PPM1H: variants seen among roughly 807,000 people sequenced by gnomAD.
PPM1H encodes the protein protein phosphatase, Mg2+/Mn2+ dependent 1H, also known as protein phosphatase 1H.
A neutral mutation model predicts 54.9 loss-of-function variants in PPM1H; 27 were observed. The observed-to-expected ratio is 0.49, with a 90% CI of 0.36 to 0.68. The LOEUF is 0.68. Ranked by LOEUF, PPM1H falls within the 30% of genes least tolerant of loss-of-function variation. The probability of loss-of-function intolerance (pLI) is 0.00; values close to 1 mark genes in which losing one functional copy is unlikely to be tolerated. For missense variants in PPM1H, 596 were observed against 667.8 expected (o/e 0.89, Z 1.19); for synonymous variants, 305 against 270.8 (o/e 1.13, Z -1.24).
At chr12:62,835,210 C>T (rs756797809) in intron 1 of PPM1H, among the ~76,000 whole-genome samples, 5 of 152,214 alleles carry the variant, frequency 3.3e-5, no homozygotes, top group African/African-American at 7.2e-5. Context: ...ACATAAATCA[C>T]GAATCCCTGT....
chr12:62,893,647 G>A (rs1354171634), intron 1 of PPM1H, among the ~76,000 whole-genome samples: 1 of 151,732 alleles, frequency 6.6e-6, no homozygotes. Context: ...GGGGGGGAGG[G>A]GGTGTGGTTT....
chr12:62,661,585 C>T (rs970788135), intron 9 of PPM1H, among the ~76,000 whole-genome samples: 33 of 152,194 alleles, frequency 2.2e-4, no homozygotes, highest in Admixed American at 5.9e-4. Context: ...TTAGTATAGA[C>T]GGGGTTTCGC....
chr12:62,924,929 GC>G (rs1448747083), intron 1 of PPM1H, among the ~76,000 whole-genome samples: 1 of 152,138 alleles, frequency 6.6e-6, no homozygotes, highest in African/African-American at 2.4e-5. Flanking sequence ...TGTGGTCGCA[GC>G]TACTAGGGAG....
At chr12:62,828,349 C>T (rs1364665834) in intron 2 of PPM1H, among the ~76,000 whole-genome samples, 1 of 152,228 alleles carries the variant, frequency 6.6e-6, no homozygotes, top group Non-Finnish European at 1.5e-5. Context: ...GCTCCAACCA[C>T]ACAGACCTCC....
chr12:62,911,241 T>A (rs1004273624), intron 1 of PPM1H, among the ~76,000 whole-genome samples: 1 of 152,186 alleles, frequency 6.6e-6, no homozygotes, highest in Non-Finnish European at 1.5e-5. Context: ...ACTGTGATCA[T>A]CAGAAAGATA....
chr12:62,663,086 T>C (rs7961484), intron 9 of PPM1H, among the ~76,000 whole-genome samples: 53,861 of 151,906 alleles, frequency 0.35, 11,248 homozygotes, highest in African/African-American at 0.57. Context: ...GGAGGTGCTA[T>C]AAAGTATCCC....
intron 9 of PPM1H, among the ~76,000 whole-genome samples, chr12:62,666,370 C>T (rs2075917608): frequency 1.5e-5 from 2 of 136,580 alleles, no homozygotes; most frequent in African/African-American, 2.4e-5. Flanking sequence ...CTGCCTTTCT[C>T]GAGAGGTAGT....
chr12:62,813,771 G>A (rs1048534566), intron 2 of PPM1H, among the ~76,000 whole-genome samples: 1 of 152,134 alleles, frequency 6.6e-6, no homozygotes, highest in Non-Finnish European at 1.5e-5. Context: ...ACTCGCTATT[G>A]TTAATGATGA....
chr12:62,896,403 G>GA lies in PPM1H; in HGVS notation c.245+38088dup, dbSNP rs574193968. Reference sequence around the variant, plus strand: ...ACAAAGAACTTAAACAAATTTACAAGAAAAAATCAAACAACCCCATCAAAA... The same window carrying GA: ...ACAAAGAACTTAAACAAATTTACAAGAAAAAAATCAAACAACCCCATCAAAA... On this transcript the variant is annotated intron_variant, in intron 1 of 9. Transcript: ENST00000228705. Among the ~76,000 whole-genome samples, 328 of 152,228 alleles carry GA rather than the reference G, an allele frequency of 2.2e-3. 4 individuals are homozygous for GA. The highest frequency in any genetic ancestry group is 7.5e-3 in the African/African-American group (312 of 41,518).
intron 1 of PPM1H, among the ~76,000 whole-genome samples, chr12:62,843,239 C>A (rs767994986): frequency 6.6e-6 from 1 of 152,166 alleles, no homozygotes; most frequent in Non-Finnish European, 1.5e-5. Context: ...TTGCTTGGAA[C>A]CCCGGAGGTG....
chr12:62,769,768 C>T (rs999724964), intron 4 of PPM1H, among the ~76,000 whole-genome samples: 2 of 151,984 alleles, frequency 1.3e-5, no homozygotes, highest in African/African-American at 4.8e-5. Context: ...GAGAAAAAAA[C>T]ATGGAATCAC....
At chr12:62,788,470 G>T in intron 3 of PPM1H, 132 bp from the exon 4 acceptor site, 2 of 602,864 alleles carry the variant, frequency 3.3e-6, no homozygotes, top group South Asian at 2.2e-5. Flanking sequence ...TTTAGTGCTT[G>T]CTTTCCTACC....
chr12:62,915,781 A>T (rs1239722574), intron 1 of PPM1H, among the ~76,000 whole-genome samples: 1 of 152,204 alleles, frequency 6.6e-6, no homozygotes, highest in African/African-American at 2.4e-5. Context: ...AGAAGGAAGA[A>T]CCATTGTATG....
At chr12:62,816,927 C>T (rs1299683199) in intron 2 of PPM1H, among the ~76,000 whole-genome samples, 1 of 151,456 alleles carries the variant, frequency 6.6e-6, no homozygotes, top group African/African-American at 2.4e-5. Flanking sequence ...GTGTTCTCAG[C>T]TACTATGTAC....
At chr12:62,892,099 C>T (rs1291312164) in intron 1 of PPM1H, among the ~76,000 whole-genome samples, 3 of 152,154 alleles carry the variant, frequency 2.0e-5, no homozygotes, top group Admixed American at 6.5e-5. Flanking sequence ...TCTGTAGTAC[C>T]TTTAACATTT....
intron 1 of PPM1H, among the ~76,000 whole-genome samples, chr12:62,916,349 A>C (rs1176160369): frequency 6.6e-6 from 1 of 152,190 alleles, no homozygotes; most frequent in Non-Finnish European, 1.5e-5. Flanking sequence ...CTTAACTATC[A>C]AACCATTTAA....
chr12:62,835,906 A>G (rs1244271420), intron 1 of PPM1H, among the ~76,000 whole-genome samples: 1 of 152,244 alleles, frequency 6.6e-6, no homozygotes, highest in African/African-American at 2.4e-5. Flanking sequence ...TTTGTTAACT[A>G]TATGTGAACA....
At position 62,659,043 on chromosome 12, in the gene PPM1H, A is replaced by C. The variant is rs1592528238; in HGVS notation, c.1397+8135T>G. The C allele has an allele frequency of 9.6e-6, 7 of 726,108 alleles. No individual in the cohort carries two copies. The East Asian group carries it at 1.8e-4, about 19-fold the overall frequency. The allele number at this position is 726,108 out of a possible 1,614,324, so 45.0% of individuals were successfully genotyped here. On this transcript the variant is annotated intron_variant, in intron 9 of 9. Coordinates refer to ENST00000228705, the MANE Select transcript of PPM1H (RefSeq NM_020700.2). The stretch of plus-strand genomic sequence containing the variant: ...GCACATGCTGCCCAGTGGCTTCCGG[A>C]AGTTCCTGATCCACAGCGTCAAGGA...
intron 1 of PPM1H, among the ~76,000 whole-genome samples, chr12:62,852,434 C>G (rs896142480): frequency 2.0e-5 from 3 of 151,980 alleles, no homozygotes; most frequent in African/African-American, 7.3e-5. Flanking sequence ...ATGCTGGCAC[C>G]CTGATCTGAC....
Sources: allele counts gnomAD v4.1 joint callset (sites outside exome capture counted in the v4.1 genomes callset), GRCh38; gene constraint gnomAD v4.1.1; transcripts MANE v1.5; gene names NCBI Gene and HGNC (gene_info 2026-07-23, HGNC 2026-07-21).